NRG3: variants seen among roughly 807,000 people sequenced by gnomAD.
NRG3 encodes neuregulin 3, also known as pro-neuregulin-3, membrane-bound isoform.
In NRG3, 31 loss-of-function variants were observed where a neutral mutation model predicts 66.9. The observed-to-expected ratio is 0.46, with a 90% CI of 0.35 to 0.63. NRG3 has a LOEUF of 0.63. Ranked by LOEUF, NRG3 falls within the 20% of genes least tolerant of loss-of-function variation. The probability of loss-of-function intolerance (pLI) is 0.00; values close to 1 mark genes in which losing one functional copy is unlikely to be tolerated. For missense variants in NRG3, 910 were observed against 878.9 expected (o/e 1.04, Z -0.45); for synonymous variants, 393 against 359.4 (o/e 1.09, Z -1.06).
intron 2 of NRG3, among the ~76,000 whole-genome samples, chr10:82,395,653 TATCC>T (rs1382328478): frequency 2.6e-5 from 4 of 152,112 alleles, no homozygotes; most frequent in Non-Finnish European, 4.4e-5. Context: ...TCTATCCATT[TATCC>T]ATCCATCCAT....
chr10:82,167,712 T>A (rs1350999961), intron 1 of NRG3, among the ~76,000 whole-genome samples: 1 of 152,162 alleles, frequency 6.6e-6, no homozygotes, highest in Admixed American at 6.6e-5. Flanking sequence ...TGATAAGCGT[T>A]TGTTGTACTT....
At chr10:82,770,798 A>C (rs954374125) in intron 3 of NRG3, among the ~76,000 whole-genome samples, 9 of 152,124 alleles carry the variant, frequency 5.9e-5, no homozygotes, top group Admixed American at 3.9e-4. Flanking sequence ...AGTGGAGCAA[A>C]AAATGGAACT....
intron 7 of NRG3, 134 bp from the exon 8 acceptor site, chr10:82,978,816 G>A: frequency 1.2e-6 from 1 of 809,066 alleles, no homozygotes; most frequent in Non-Finnish European, 1.9e-6. Context: ...TTCATTCAGG[G>A]ATGGCCCTGG....
chr10:82,856,169 T>C (rs2063792623), intron 3 of NRG3, among the ~76,000 whole-genome samples: 2 of 152,186 alleles, frequency 1.3e-5, no homozygotes, highest in South Asian at 2.1e-4. Flanking sequence ...GAAAGACATA[T>C]AGATGTCACA....
intron 2 of NRG3, among the ~76,000 whole-genome samples, chr10:82,522,870 A>T (rs1846331845): frequency 6.6e-6 from 1 of 152,188 alleles, no homozygotes; most frequent in Admixed American, 6.5e-5. Flanking sequence ...GCTACAGTAG[A>T]CATTTTTGCT....
At chr10:82,127,779 A>C (rs1335290779) in intron 1 of NRG3, among the ~76,000 whole-genome samples, 1 of 151,908 alleles carries the variant, frequency 6.6e-6, no homozygotes, top group African/African-American at 2.4e-5. Flanking sequence ...TGATCTTGAC[A>C]ATGCAAAATG....
intron 5 of NRG3, among the ~76,000 whole-genome samples, chr10:82,955,803 G>A (rs776364565): frequency 6.6e-6 from 1 of 151,918 alleles, no homozygotes; most frequent in African/African-American, 2.4e-5. Context: ...TAGTCGCCAA[G>A]TTTGCCAGCA....
At chr10:81,900,964 T>A (rs1367312657) in intron 1 of NRG3, among the ~76,000 whole-genome samples, 1 of 152,218 alleles carries the variant, frequency 6.6e-6, no homozygotes, top group Non-Finnish European at 1.5e-5. Flanking sequence ...TTCAGTGATA[T>A]AATGAGCACA....
chr10:82,743,171 A>G (rs963838555), intron 3 of NRG3, among the ~76,000 whole-genome samples: 2 of 152,082 alleles, frequency 1.3e-5, no homozygotes, highest in African/African-American at 4.8e-5. Flanking sequence ...GGCAGGCTTG[A>G]GTCTGCAGGC....
intron 1 of NRG3, among the ~76,000 whole-genome samples, chr10:82,234,051 A>G (rs1403795870): frequency 2.6e-5 from 4 of 152,126 alleles, no homozygotes; most frequent in African/African-American, 9.7e-5. Flanking sequence ...TATTGGTAAA[A>G]CAAACGACAA....
chr10:82,298,649 C>A (rs1427347156), intron 1 of NRG3, among the ~76,000 whole-genome samples: 2 of 151,980 alleles, frequency 1.3e-5, no homozygotes, highest in Non-Finnish European at 2.9e-5. Context: ...TAAAAAAAAA[C>A]CTTACCTCTT....
At chr10:82,850,208 T>C (rs1564565143) in intron 3 of NRG3, among the ~76,000 whole-genome samples, 4 of 152,130 alleles carry the variant, frequency 2.6e-5, no homozygotes. Flanking sequence ...AGAGGGGACA[T>C]TGAATATTAG....
At chr10:82,927,963 G>C (rs139092540) in intron 4 of NRG3, among the ~76,000 whole-genome samples, 14,133 of 152,188 alleles carry the variant, frequency 0.093, 893 homozygotes, top group African/African-American at 0.16. Flanking sequence ...CCCACCAACA[G>C]TGTAAAAGCA....
At chr10:82,898,970 A>G (rs766560300) in intron 4 of NRG3, among the ~76,000 whole-genome samples, 8 of 151,896 alleles carry the variant, frequency 5.3e-5, no homozygotes, top group African/African-American at 1.9e-4. Context: ...TCGGCCTCCC[A>G]AAGTGCTGGG....
At chr10:82,062,368 G>T (rs1010381454) in intron 1 of NRG3, among the ~76,000 whole-genome samples, 19 of 152,130 alleles carry the variant, frequency 1.2e-4, no homozygotes, top group Non-Finnish European at 1.6e-4. Flanking sequence ...CAGTTTGGGA[G>T]GCCAAGGCAG....
At chr10:82,439,407 ATG>A (rs1312017720) in intron 2 of NRG3, among the ~76,000 whole-genome samples, 1 of 152,004 alleles carries the variant, frequency 6.6e-6, no homozygotes, top group African/African-American at 2.4e-5. Context: ...ATTTTATTAA[ATG>A]TGTCTTTCTT....
chr10:82,291,386 G>T (rs558199536), intron 1 of NRG3, among the ~76,000 whole-genome samples: 1 of 152,216 alleles, frequency 6.6e-6, no homozygotes, highest in South Asian at 2.1e-4. Context: ...TCATGTACTG[G>T]AAGTCTCACA....
At chr10:82,875,289 A>T (rs1196547944) in intron 4 of NRG3, among the ~76,000 whole-genome samples, 2 of 152,202 alleles carry the variant, frequency 1.3e-5, no homozygotes, top group Non-Finnish European at 2.9e-5. Context: ...ATTCTATTGG[A>T]GAAGTATTTA....
intron 1 of NRG3, among the ~76,000 whole-genome samples, chr10:82,238,817 A>T (rs1281270284): frequency 6.9e-6 from 1 of 145,776 alleles, no homozygotes; most frequent in African/African-American, 2.5e-5. Flanking sequence ...ATTAATGGAA[A>T]ACCTGTTTTC....
Sources: gnomAD v4.1 joint callset for allele counts (sites outside exome capture counted in the v4.1 genomes callset) on GRCh38, gnomAD v4.1.1 for gene constraint, MANE v1.5 for transcripts, NCBI Gene and HGNC (gene_info 2026-07-23, HGNC 2026-07-21) for gene names.